The following NAALADL2 variants were observed in gnomAD, a reference collection of about 807,000 sequenced individuals.
The protein encoded by NAALADL2 is inactive N-acetylated-alpha-linked acidic dipeptidase-like protein 2.
In NAALADL2, 76 loss-of-function variants were observed where a neutral mutation model predicts 87.2. The ratio of observed to expected loss-of-function variants is 0.87; its 90% CI spans 0.72 to 1.05. The LOEUF (loss-of-function observed/expected upper bound fraction) is 1.05, where lower values mean the gene tolerates loss of function less well. NAALADL2 is among the 50% of genes least tolerant of loss of function. The pLI, the probability that NAALADL2 is intolerant of heterozygous loss-of-function variation, is 0.00. For missense variants in NAALADL2, 1,089 were observed against 945.8 expected (o/e 1.15, Z -1.99); for synonymous variants, 354 against 331.0 (o/e 1.07, Z -0.75).
intron 10 of NAALADL2, among the ~76,000 whole-genome samples, chr3:175,578,298 C>T (rs1719206392): frequency 6.6e-6 from 1 of 151,988 alleles, no homozygotes; most frequent in South Asian, 2.1e-4. Flanking sequence ...TTGCAGGTGC[C>T]TATAGTCCCA....
At chr3:174,712,767 T>TA (rs1370687346) in intron 2 of NAALADL2, among the ~76,000 whole-genome samples, 29 of 152,286 alleles carry the variant, frequency 1.9e-4, no homozygotes, top group African/African-American at 6.7e-4. Flanking sequence ...CACTTTTTTT[T>TA]ATCTTTAATA....
At position 174,519,173 on chromosome 3, in the gene NAALADL2, A is replaced by G. The variant is rs193278940; in HGVS notation, c.-183-31396A>G. ...TATTTGGTAAGTATGCTCAATATAC[A>G]GATTTTATGTTCTTAAACATGGGGA... On this transcript the variant is annotated intron_variant, in intron 1 of 3. Transcript: ENST00000434257. 5.1e-4 allele frequency among the ~76,000 whole-genome samples: 78 copies of G among 152,328 alleles called. 1 individual carries two copies. The East Asian group carries it at 0.014, about 28-fold the overall frequency.
chr3:174,586,204 G>T (rs944485736), intron 2 of NAALADL2, among the ~76,000 whole-genome samples: 1 of 152,126 alleles, frequency 6.6e-6, no homozygotes. Context: ...TTGTGTGCTA[G>T]GCACCATACA....
At chr3:175,737,721 T>G (rs937164732) in intron 12 of NAALADL2, among the ~76,000 whole-genome samples, 2 of 137,756 alleles carry the variant, frequency 1.5e-5, no homozygotes, top group East Asian at 2.0e-4. Flanking sequence ...CCAGTTTTTT[T>G]TTTTTTTTTT....
intron 11 of NAALADL2, among the ~76,000 whole-genome samples, chr3:175,664,288 C>A (rs975031587): frequency 3.3e-5 from 5 of 152,142 alleles, no homozygotes; most frequent in African/African-American, 1.2e-4. Flanking sequence ...TTGGAAAAAA[C>A]AAACTTATTG....
chr3:175,712,900 T>A (rs374750071), intron 11 of NAALADL2, among the ~76,000 whole-genome samples: 2 of 152,190 alleles, frequency 1.3e-5, no homozygotes, highest in African/African-American at 4.8e-5. Context: ...CAGACCAATA[T>A]TGTATGGAGC....
At chr3:174,803,772 A>T (rs928741415) in intron 3 of NAALADL2, among the ~76,000 whole-genome samples, 2 of 152,132 alleles carry the variant, frequency 1.3e-5, no homozygotes, top group African/African-American at 4.8e-5. Flanking sequence ...CAAAGATCAG[A>T]TGGCTGTAGA....
At chr3:174,812,212 A>G (rs1018174903) in intron 3 of NAALADL2, among the ~76,000 whole-genome samples, 1 of 152,122 alleles carries the variant, frequency 6.6e-6, no homozygotes, top group Admixed American at 6.6e-5. Flanking sequence ...ATATTTCATG[A>G]GTCTATTTAT....
chr3:175,654,686 C>A (rs749043614), intron 11 of NAALADL2, among the ~76,000 whole-genome samples: 1 of 151,990 alleles, frequency 6.6e-6, no homozygotes, highest in African/African-American at 2.4e-5. Context: ...GATTTCTTTT[C>A]TTTTTTTTAC....
chr3:174,759,994 C>T (rs767171527), intron 3 of NAALADL2, among the ~76,000 whole-genome samples: 3 of 152,164 alleles, frequency 2.0e-5, no homozygotes, highest in Non-Finnish European at 4.4e-5. Context: ...CCACTGTGCT[C>T]GGCCCACAAA....
chr3:175,525,203 T>C (rs1019428538), intron 9 of NAALADL2, among the ~76,000 whole-genome samples: 10 of 152,172 alleles, frequency 6.6e-5, no homozygotes, highest in Non-Finnish European at 1.3e-4. Flanking sequence ...TTTTCATTTT[T>C]TAACACTTCT....
chr3:175,234,590 A>G lies in NAALADL2; in HGVS notation c.819+386A>G, dbSNP rs1745512203. On this transcript the variant is annotated intron_variant, in intron 3 of 13. Transcript: ENST00000454872. ...GATTGTGCACACACAAAAGAAATTA[A>G]GTGGAAAATTGATATGATTATTAAC... 1.3e-5 allele frequency among the ~76,000 whole-genome samples: 2 copies of G among 152,228 alleles called. 1 individual carries two copies. The highest frequency in any genetic ancestry group is 1.3e-4 in the Admixed American group (2 of 15,280).
intron 13 of NAALADL2, among the ~76,000 whole-genome samples, chr3:175,797,936 A>G (rs1576864037): frequency 6.6e-6 from 1 of 152,242 alleles, no homozygotes; most frequent in Non-Finnish European, 1.5e-5. Flanking sequence ...CTCAGAGCCA[A>G]GAAATACATG....
At chr3:174,713,175 T>A (rs1043649918) in intron 2 of NAALADL2, among the ~76,000 whole-genome samples, 7 of 152,256 alleles carry the variant, frequency 4.6e-5, no homozygotes, top group Non-Finnish European at 8.8e-5. Context: ...GGTGTATATG[T>A]GCCACATTTT....
At chr3:175,338,192 GC>G (rs1453370146) in intron 5 of NAALADL2, among the ~76,000 whole-genome samples, 1 of 152,170 alleles carries the variant, frequency 6.6e-6, no homozygotes, top group Non-Finnish European at 1.5e-5. Flanking sequence ...AAAAGAGAGA[GC>G]TGGGAGTGAA....
intron 12 of NAALADL2, among the ~76,000 whole-genome samples, chr3:175,744,604 A>G (rs1462023704): frequency 6.6e-6 from 1 of 152,208 alleles, no homozygotes; most frequent in Admixed American, 6.5e-5. Flanking sequence ...CCTTTAAACT[A>G]TACATTTTTA....
chr3:175,735,479 A>G (rs969347020), intron 11 of NAALADL2, among the ~76,000 whole-genome samples: 1 of 152,218 alleles, frequency 6.6e-6, no homozygotes, highest in Non-Finnish European at 1.5e-5. Context: ...ATAAAGACAT[A>G]TCCAAGACTG....
intron 3 of NAALADL2, among the ~76,000 whole-genome samples, chr3:174,820,443 A>C (rs1721292393): frequency 6.6e-6 from 1 of 152,200 alleles, no homozygotes; most frequent in South Asian, 2.1e-4. Flanking sequence ...AATTTATCAG[A>C]ATTTCTATGT....
chr3:174,793,358 T>A (rs567194628), intron 3 of NAALADL2, among the ~76,000 whole-genome samples: 14 of 152,294 alleles, frequency 9.2e-5, no homozygotes, highest in Non-Finnish European at 1.6e-4. Context: ...CTAACCTGAA[T>A]TCAGTTACTT....
Sources: gnomAD v4.1 joint callset for allele counts (sites outside exome capture counted in the v4.1 genomes callset) on GRCh38, gnomAD v4.1.1 for gene constraint, MANE v1.5 for transcripts, NCBI Gene and HGNC (gene_info 2026-07-23, HGNC 2026-07-21) for gene names.